The following PSTPIP2 variants were observed in gnomAD, a reference collection of about 807,000 sequenced individuals.
The protein encoded by PSTPIP2 is proline-serine-threonine phosphatase-interacting protein 2.
PSTPIP2 carries 33 observed loss-of-function variants against 63.3 expected under a neutral mutation model. That is an observed-to-expected ratio of 0.52 (90% CI 0.40 to 0.70). The LOEUF is 0.70. Ranked by LOEUF, PSTPIP2 falls within the 30% of genes least tolerant of loss-of-function variation. The pLI is 0.00. For missense variants in PSTPIP2, 312 were observed against 400.7 expected (o/e 0.78, Z 1.89); for synonymous variants, 125 against 132.7 (o/e 0.94, Z 0.40).
intron 1 of PSTPIP2, among the ~76,000 whole-genome samples, chr18:46,047,922 G>A (rs1417953904): frequency 1.3e-5 from 2 of 152,080 alleles, no homozygotes; most frequent in African/African-American, 4.8e-5. Flanking sequence ...TTATAAAGGG[G>A]GAATCAGTAA....
chr18:46,012,044 C>A (rs1304022937), intron 4 of PSTPIP2, among the ~76,000 whole-genome samples: 1 of 151,854 alleles, frequency 6.6e-6, no homozygotes, highest in Non-Finnish European at 1.5e-5. Flanking sequence ...AGAGCTTCCA[C>A]AAATCAAAAG....
intron 10 of PSTPIP2, 140 bp from the exon 11 acceptor site, chr18:45,992,342 C>T (rs1457572454): frequency 1.4e-6 from 1 of 689,666 alleles, no homozygotes; most frequent in Non-Finnish European, 2.5e-6. Context: ...GTGGGCGGAT[C>T]ACAAGGTCAG....
At chr18:46,031,858 C>T (rs907536309) in intron 2 of PSTPIP2, among the ~76,000 whole-genome samples, 3 of 152,030 alleles carry the variant, frequency 2.0e-5, no homozygotes, top group Admixed American at 6.6e-5. Flanking sequence ...TCCTAGAACC[C>T]GGGAAGTAAT....
At chr18:46,029,020 G>C (rs1433373643) in intron 2 of PSTPIP2, 1 of 821,652 alleles carries the variant, frequency 1.2e-6, no homozygotes, top group Non-Finnish European at 2.2e-6. Flanking sequence ...CGCTGGATTA[G>C]ATAACCTATA....
intron 4 of PSTPIP2, among the ~76,000 whole-genome samples, chr18:46,012,323 G>A (rs567374707): frequency 2.0e-5 from 3 of 151,766 alleles, no homozygotes; most frequent in Non-Finnish European, 4.4e-5. Context: ...TTTTAGAAAC[G>A]AAATTTTTTA....
intron 3 of PSTPIP2, among the ~76,000 whole-genome samples, chr18:46,022,178 G>A (rs969778582): frequency 6.6e-6 from 1 of 152,030 alleles, no homozygotes; most frequent in African/African-American, 2.4e-5. Flanking sequence ...AGGGTAACAA[G>A]ATTTTTAGGT....
intron 12 of PSTPIP2, 55 bp from the exon 13 acceptor site, chr18:45,990,811 C>T (rs7242970): frequency 0.16 from 225,459 of 1,420,184 alleles, 24,296 homozygotes; most frequent in African/African-American, 0.48. Flanking sequence ...TTTTTATAAT[C>T]TTTTTACTTC....
At chr18:46,064,010 CAT>C (rs1415442081) in intron 1 of PSTPIP2, among the ~76,000 whole-genome samples, 1 of 152,162 alleles carries the variant, frequency 6.6e-6, no homozygotes, top group African/African-American at 2.4e-5. Flanking sequence ...GAGAATCTGT[CAT>C]GTGCCAGGCA....
At chr18:46,028,559 T>A in intron 2 of PSTPIP2, 1 of 729,962 alleles carries the variant, frequency 1.4e-6, no homozygotes, top group Non-Finnish European at 2.4e-6. Flanking sequence ...TTCAAGGACA[T>A]GAAGACTTGG....
At chr18:46,027,647 G>A (rs369375939) in intron 2 of PSTPIP2, among the ~76,000 whole-genome samples, 84 of 151,932 alleles carry the variant, frequency 5.5e-4, no homozygotes, top group Middle Eastern at 3.4e-3. Context: ...CCGTGACTGC[G>A]CCACTGCACT....
At chr18:46,011,131 G>A (rs761409731) in intron 5 of PSTPIP2, 50 bp downstream of exon 5, 15 of 1,454,566 alleles carry the variant, frequency 1.0e-5, no homozygotes, top group South Asian at 4.6e-5. Context: ...ACAAGCCTGC[G>A]GTTTTCTATA....
At chr18:46,053,640 T>C (rs1382920666) in intron 1 of PSTPIP2, among the ~76,000 whole-genome samples, 2 of 152,226 alleles carry the variant, frequency 1.3e-5, no homozygotes, top group Non-Finnish European at 2.9e-5. Context: ...CTAAATTGAG[T>C]TGAAAACTTA....
chr18:46,026,971 C>A (rs1229274202), intron 2 of PSTPIP2, among the ~76,000 whole-genome samples: 1 of 152,096 alleles, frequency 6.6e-6, no homozygotes, highest in Non-Finnish European at 1.5e-5. Context: ...GAAGGATGAA[C>A]AGATGCATGC....
chr18:46,029,524 T>G lies in PSTPIP2; in HGVS notation c.135-4838A>C. On this transcript the variant is annotated intron_variant, in intron 2 of 14. Coordinates refer to ENST00000409746, the MANE Select transcript of PSTPIP2 (RefSeq NM_024430.4). ...CCACATCTAGGAATGGACAGTTGCT[T>G]GTGGTTCTAATTGTGGAGCAGTAAA... is the stretch of plus-strand genomic sequence containing the variant. 7.3e-6 allele frequency: 6 copies of G among 826,782 alleles called. 1 individual carries two copies. In the South Asian group the frequency reaches 8.0e-5, roughly 11 times the overall value. The allele number at this position is 826,782 out of a possible 1,614,324, so 51.2% of individuals were successfully genotyped here.
intron 9 of PSTPIP2, among the ~76,000 whole-genome samples, chr18:45,994,694 C>T (rs796153226): frequency 1.1e-4 from 16 of 152,124 alleles, no homozygotes; most frequent in African/African-American, 3.9e-4. Context: ...GTACTCATCA[C>T]CAGCTTAAAC....
At chr18:46,003,412 C>T (rs765047866) in intron 6 of PSTPIP2, among the ~76,000 whole-genome samples, 23 of 152,168 alleles carry the variant, frequency 1.5e-4, no homozygotes, top group Non-Finnish European at 2.1e-4. Flanking sequence ...GAAGTTTAGA[C>T]TCTCCACTTG....
chr18:46,040,076 C>T, intron 1 of PSTPIP2, 29 bp from the exon 2 acceptor site: 1 of 1,534,290 alleles, frequency 6.5e-7, no homozygotes, highest in Non-Finnish European at 8.9e-7. Flanking sequence ...GGCATCAGAC[C>T]AGGAACAGAA....
intron 1 of PSTPIP2, 42 bp downstream of exon 1, chr18:46,072,114 G>A (rs1172929439): frequency 1.3e-6 from 2 of 1,518,284 alleles, no homozygotes; most frequent in Non-Finnish European, 1.8e-6. Flanking sequence ...CGCCCGGGCC[G>A]GGTCCTGAGC....
chr18:46,009,933 C>A (rs1020101594), intron 5 of PSTPIP2, among the ~76,000 whole-genome samples: 1 of 152,192 alleles, frequency 6.6e-6, no homozygotes, highest in Non-Finnish European at 1.5e-5. Flanking sequence ...AGGCACTCCT[C>A]AAACCTGATA....
Sources: gnomAD v4.1 joint callset for allele counts (sites outside exome capture counted in the v4.1 genomes callset) on GRCh38, gnomAD v4.1.1 for gene constraint, MANE v1.5 for transcripts, NCBI Gene and HGNC (gene_info 2026-07-23, HGNC 2026-07-21) for gene names.